Variants in EMSY observed in about 807,000 individuals in gnomAD.
EMSY encodes BRCA2-interacting transcriptional repressor EMSY.
Under a neutral mutation model 134.6 loss-of-function variants are expected in EMSY, and 26 were observed. That is an observed-to-expected ratio of 0.19 (90% CI 0.14 to 0.27). The LOEUF (loss-of-function observed/expected upper bound fraction) is 0.27. Ranked by LOEUF, EMSY falls within the 10% of genes least tolerant of loss-of-function variation. The pLI is 1.00. For missense variants in EMSY, 1,305 were observed against 1,611.4 expected (o/e 0.81, Z 3.26); for synonymous variants, 579 against 577.8 (o/e 1.00, Z -0.03).
At chr11:76,527,702 T>G (rs940936943) in intron 13 of EMSY, among the ~76,000 whole-genome samples, 1 of 152,034 alleles carries the variant, frequency 6.6e-6, no homozygotes, top group African/African-American at 2.4e-5. Context: ...CATCTGGGGT[T>G]TCTTCAAAGA....
At chr11:76,446,325 A>ATATATATGTG (rs1947396051) in intron 1 of EMSY, among the ~76,000 whole-genome samples, 1 of 97,156 alleles carries the variant, frequency 1.0e-5, no homozygotes, top group Non-Finnish European at 2.0e-5. Context: ...GTGTGTGTGT[A>ATATATATGTG]TATATATATG....
Position 76,475,531 on chromosome 11 carries a change from A to G in EMSY, c.1108+2691A>G, listed in dbSNP as rs78451175. On this transcript the variant is annotated intron_variant, in intron 8 of 20. Coordinates refer to ENST00000334736, the Ensembl canonical transcript of EMSY. ...ATAGGGGAGCTGGATGTGACATCTC[A>G]GAGATTTCTCTTAAAGTCACTGGAA... Among the ~76,000 whole-genome samples, 11 of 152,330 alleles carry G rather than the reference A, an allele frequency of 7.2e-5. No homozygotes were observed. In the East Asian group the frequency reaches 2.1e-3, roughly 29 times the overall value.
chr11:76,523,881 A>G (rs563890097), intron 12 of EMSY, among the ~76,000 whole-genome samples: 110 of 151,624 alleles, frequency 7.3e-4, no homozygotes, highest in Middle Eastern at 3.4e-3. Context: ...CCCCACCTCT[A>G]CCAAAATTTA....
intron 8 of EMSY, among the ~76,000 whole-genome samples, chr11:76,485,747 A>T (rs888485805): frequency 6.6e-6 from 1 of 152,228 alleles, no homozygotes; most frequent in African/African-American, 2.4e-5. Context: ...AGGGTATTCA[A>T]ATAGGAAGAG....
chr11:76,463,480 G>C (rs1056691153), intron 6 of EMSY, among the ~76,000 whole-genome samples: 1 of 151,926 alleles, frequency 6.6e-6, no homozygotes, highest in Admixed American at 6.5e-5. Context: ...AAAATTAGCC[G>C]GGCGCGGTGG....
intron 15 of EMSY, among the ~76,000 whole-genome samples, chr11:76,536,701 G>C (rs1412665211): frequency 6.6e-6 from 1 of 151,970 alleles, no homozygotes; most frequent in Non-Finnish European, 1.5e-5. Context: ...TTTATAATAG[G>C]TCAAAGATTT....
intron 8 of EMSY, among the ~76,000 whole-genome samples, chr11:76,480,810 A>AG (rs1346342401): frequency 6.6e-6 from 1 of 152,180 alleles, no homozygotes; most frequent in Non-Finnish European, 1.5e-5. Flanking sequence ...AGGAAGCACA[A>AG]GGGGTTGGGA....
At chr11:76,499,885 C>T (rs61894534) in intron 9 of EMSY, among the ~76,000 whole-genome samples, 20,609 of 151,762 alleles carry the variant, frequency 0.14, 1,776 homozygotes, top group East Asian at 0.28. Flanking sequence ...AAGACCTCTG[C>T]CCTTTTGTAG....
At chr11:76,465,602 T>G (rs1244922532) in intron 7 of EMSY, among the ~76,000 whole-genome samples, 1 of 143,128 alleles carries the variant, frequency 7.0e-6, no homozygotes, top group Non-Finnish European at 1.5e-5. Context: ...AAAGTTCCTT[T>G]AAAAAAAAAA....
At chr11:76,526,721 T>TTGCTGATCTTTTC in intron 13 of EMSY, 86 bp downstream of exon 14, 1 of 1,272,674 alleles carries the variant, frequency 7.9e-7, no homozygotes, top group Non-Finnish European at 1.1e-6. Flanking sequence ...AAGGAAAAGA[T>TTGCTGATCTTTTC]CAGCAATCTT....
chr11:76,487,073 C>T (rs1473813931), intron 8 of EMSY, among the ~76,000 whole-genome samples: 2 of 152,124 alleles, frequency 1.3e-5, no homozygotes, highest in South Asian at 2.1e-4. Flanking sequence ...ACCAGGAGAT[C>T]GAGACCATCC....
chr11:76,551,491 A>G (rs1469360984), exon 21 of EMSY: 3 of 152,654 alleles, frequency 2.0e-5, no homozygotes, highest in Non-Finnish European at 4.4e-5. Flanking sequence ...TTGCATCTAC[A>G]TCTGGGGGGA....
At position 76,451,971 on chromosome 11, in the gene EMSY, A is replaced by G; in HGVS notation, c.170+14A>G. 6.7e-7 allele frequency: 1 copy of G among 1,482,704 alleles called. No homozygotes were observed. The allele number at this position is 1,482,704 out of a possible 1,614,324, so 91.8% of individuals were successfully genotyped here. A position where few individuals can be genotyped will look rare whatever the true frequency, so the allele number is the denominator to read the frequency against. ...AAAAGTTCTTAGGTAAATTATTGTAAATGTTTGTGAGACTCTAGAAATTTC... is the reference window on the plus strand; with the variant it reads ...AAAAGTTCTTAGGTAAATTATTGTAGATGTTTGTGAGACTCTAGAAATTTC... On this transcript the variant is annotated intron_variant, in intron 3 of 20. Coordinates refer to ENST00000334736, the Ensembl canonical transcript of EMSY.
intron 8 of EMSY, among the ~76,000 whole-genome samples, chr11:76,491,525 A>T (rs1243876822): frequency 3.3e-5 from 5 of 152,040 alleles, no homozygotes; most frequent in African/African-American, 7.2e-5. Flanking sequence ...CTTTGCATGG[A>T]TGCCTATCTC....
intron 8 of EMSY, among the ~76,000 whole-genome samples, chr11:76,479,776 T>C (rs573356737): frequency 5.9e-5 from 9 of 152,190 alleles, no homozygotes; most frequent in Non-Finnish European, 1.2e-4. Context: ...AATTCTGTGC[T>C]GAAATCGTGA....
chr11:76,546,066 T>C (rs779584974), exon 20 of EMSY: 21 of 1,614,048 alleles, frequency 1.3e-5, no homozygotes, highest in Admixed American at 5.0e-5. Context: ...GCATGCTCAC[T>C]GGTGAAGCAG....
chr11:76,536,253 G>T (rs1290740626), intron 15 of EMSY, among the ~76,000 whole-genome samples, 194 bp downstream of exon 16: 1 of 152,008 alleles, frequency 6.6e-6, no homozygotes, highest in African/African-American at 2.4e-5. Flanking sequence ...TCAGTAAGAT[G>T]TGCACAGGAA....
intron 12 of EMSY, among the ~76,000 whole-genome samples, chr11:76,524,441 AG>A (rs1444381831): frequency 1.3e-5 from 2 of 152,184 alleles, no homozygotes; most frequent in African/African-American, 4.8e-5. Flanking sequence ...CTTCATTGGT[AG>A]GGGTCCAGCA....
intron 10 of EMSY, among the ~76,000 whole-genome samples, chr11:76,514,768 TC>T (rs1950390054): frequency 6.6e-6 from 1 of 152,180 alleles, no homozygotes; most frequent in Non-Finnish European, 1.5e-5. Flanking sequence ...CTTTCTGAAG[TC>T]CCTGGCATCA....
Sources: allele counts gnomAD v4.1 joint callset (sites outside exome capture counted in the v4.1 genomes callset), GRCh38; gene constraint gnomAD v4.1.1; transcripts MANE v1.5; gene names NCBI Gene and HGNC (gene_info 2026-07-23, HGNC 2026-07-21).